Variants in SMAD3 observed in about 807,000 individuals in gnomAD.
SMAD3 encodes SMAD family member 3.
A neutral mutation model predicts 51.8 loss-of-function variants in SMAD3; 12 were observed. The observed-to-expected ratio is 0.23, with a 90% CI of 0.15 to 0.38. The LOEUF (loss-of-function observed/expected upper bound fraction) is 0.38, where lower values mean the gene tolerates loss of function less well. Among genes scored for constraint, SMAD3 ranks in the 10% least tolerant of loss-of-function variants. SMAD3 has a pLI of 1.00. For missense variants in SMAD3, 294 were observed against 565.6 expected, an observed-to-expected ratio of 0.52 and a Z score of 4.87; for synonymous variants, 238 against 227.7, an observed-to-expected ratio of 1.05 and a Z score of -0.41.
At chr15:67,160,963 C>T (rs371624842) in intron 1 of SMAD3, among the ~76,000 whole-genome samples, 4 of 151,848 alleles carry the variant, frequency 2.6e-5, no homozygotes, top group African/African-American at 7.2e-5. Flanking sequence ...AATCTTGATG[C>T]GGTCTGATTT....
At chr15:67,085,764 G>A (rs935541714) in intron 1 of SMAD3, among the ~76,000 whole-genome samples, 2 of 152,056 alleles carry the variant, frequency 1.3e-5, no homozygotes, top group African/African-American at 2.4e-5. Context: ...GTATGTGGCC[G>A]GGATTGAGAA....
chr15:67,136,317 A>C (rs919706059), intron 1 of SMAD3, among the ~76,000 whole-genome samples: 25 of 149,096 alleles, frequency 1.7e-4, no homozygotes, highest in African/African-American at 5.7e-4. Flanking sequence ...CACATCCCAG[A>C]GTCAGTCATT....
chr15:67,166,391 G>A (rs1962589515), intron 3 of SMAD3: 2 of 389,680 alleles, frequency 5.1e-6, no homozygotes, highest in Admixed American at 3.7e-5. Context: ...GGGACCAAAG[G>A]GTGGGTCTGA....
chr15:67,124,305 A>G (rs1328734459), intron 1 of SMAD3, among the ~76,000 whole-genome samples: 1 of 152,208 alleles, frequency 6.6e-6, no homozygotes, highest in Admixed American at 6.5e-5. Flanking sequence ...TTCCTTTGAA[A>G]GAAGGCATTG....
chr15:67,127,519 A>G (rs61592978), intron 1 of SMAD3, among the ~76,000 whole-genome samples: 10,693 of 152,252 alleles, frequency 0.07, 391 homozygotes, highest in Non-Finnish European at 0.08. Context: ...GATGTAGGCA[A>G]AGGGGAAGAG....
At chr15:67,101,295 C>T (rs1313716778) in intron 1 of SMAD3, among the ~76,000 whole-genome samples, 1 of 152,196 alleles carries the variant, frequency 6.6e-6, no homozygotes, top group Non-Finnish European at 1.5e-5. Context: ...CTTTCCAGTA[C>T]CTAATTTATG....
At position 67,125,095 on chromosome 15, in the gene SMAD3, G is replaced by A. The variant is rs549413640; in HGVS notation, c.207-39800G>A. ...CGGGGAAAGGGAGGGAGGGAGTCAT[G>A]GGAAGCAGTTGTGTTGAATGGCTAC... On this transcript the variant is annotated intron_variant, in intron 1 of 8. Coordinates refer to ENST00000327367, the MANE Select transcript of SMAD3 (RefSeq NM_005902.4). 2.0e-5 allele frequency among the ~76,000 whole-genome samples: 3 copies of A among 152,344 alleles called. No homozygotes were observed. The East Asian group carries it at 5.8e-4, about 29-fold the overall frequency.
At chr15:67,182,996 AAAAAATATATATAT>A (rs1253918432) in intron 6 of SMAD3, among the ~76,000 whole-genome samples, 3 of 55,398 alleles carry the variant, frequency 5.4e-5, no homozygotes, top group African/African-American at 2.5e-4. Context: ...TAAAAAAAAA[AAAAAATATATATAT>A]ATATATATAT....
chr15:67,139,990 C>G (rs1961775421), intron 1 of SMAD3, among the ~76,000 whole-genome samples: 1 of 152,010 alleles, frequency 6.6e-6, no homozygotes, highest in South Asian at 2.1e-4. Context: ...GGTGTGGTGG[C>G]ACATGCCTGT....
chr15:67,090,971 CTG>C (rs1345762061), intron 1 of SMAD3, among the ~76,000 whole-genome samples: 4 of 152,198 alleles, frequency 2.6e-5, no homozygotes, highest in Admixed American at 6.5e-5. Flanking sequence ...GAGGAGGAAA[CTG>C]TTTATTTCAG....
intron 1 of SMAD3, among the ~76,000 whole-genome samples, chr15:67,080,705 A>T (rs1960262443): frequency 6.6e-6 from 1 of 152,256 alleles, no homozygotes; most frequent in South Asian, 2.1e-4. Context: ...AACAGTAAGC[A>T]TGCCTTTTCT....
chr15:67,166,318 G>C, intron 3 of SMAD3: 1 of 281,312 alleles, frequency 3.6e-6, no homozygotes, highest in Non-Finnish European at 6.2e-6. Context: ...TAACTGCTGA[G>C]TGAGGACACG....
chr15:67,113,997 T>C (rs1251445115), intron 1 of SMAD3, among the ~76,000 whole-genome samples: 1 of 152,204 alleles, frequency 6.6e-6, no homozygotes, highest in East Asian at 1.9e-4. Flanking sequence ...TGGGACCAAT[T>C]TGGCGGTGGA....
intron 3 of SMAD3, 22 bp downstream of exon 3, chr15:67,165,406 G>T: frequency 3.1e-6 from 5 of 1,613,356 alleles, no homozygotes; most frequent in Non-Finnish European, 4.2e-6. Flanking sequence ...GGCGGCACAG[G>T]CTGGCCTGGG....
At chr15:67,161,439 C>T (rs1349749860) in intron 1 of SMAD3, among the ~76,000 whole-genome samples, 1 of 152,240 alleles carries the variant, frequency 6.6e-6, no homozygotes, top group Non-Finnish European at 1.5e-5. Context: ...ACCTCCACAG[C>T]CCCATTCTCC....
intron 1 of SMAD3, among the ~76,000 whole-genome samples, chr15:67,073,540 T>C (rs1161304673): frequency 6.6e-6 from 1 of 152,230 alleles, no homozygotes; most frequent in Non-Finnish European, 1.5e-5. Context: ...TGGCTCTGTT[T>C]CTGATTAGCT....
chr15:67,176,989 C>T (rs1185169691), intron 5 of SMAD3, among the ~76,000 whole-genome samples: 1 of 152,226 alleles, frequency 6.6e-6, no homozygotes, highest in African/African-American at 2.4e-5. Context: ...GGGTGTGTCA[C>T]CTTACCCCCC....
At chr15:67,180,225 G>A (rs542592882) in intron 5 of SMAD3, among the ~76,000 whole-genome samples, 1 of 152,256 alleles carries the variant, frequency 6.6e-6, no homozygotes, top group South Asian at 2.1e-4. Flanking sequence ...ATCGGTGTGA[G>A]TGGGAATTCC....
intron 5 of SMAD3, among the ~76,000 whole-genome samples, chr15:67,179,118 G>C (rs1204703204): frequency 3.9e-5 from 6 of 152,192 alleles, no homozygotes; most frequent in Non-Finnish European, 8.8e-5. Flanking sequence ...AAGAGGATGA[G>C]GCCCACAGAG....
Sources: gnomAD v4.1 joint callset for allele counts (sites outside exome capture counted in the v4.1 genomes callset) on GRCh38, gnomAD v4.1.1 for gene constraint, MANE v1.5 for transcripts, NCBI Gene and HGNC (gene_info 2026-07-23, HGNC 2026-07-21) for gene names.